Variants in SOX5 observed in about 807,000 individuals in gnomAD.
SOX5 encodes the protein transcription factor SOX-5.
A neutral mutation model predicts 92.0 loss-of-function variants in SOX5; 9 were observed. That is an observed-to-expected ratio of 0.10 (90% confidence interval 0.06 to 0.17). SOX5 has a LOEUF of 0.17. SOX5 is among the 10% of genes least tolerant of loss of function. The pLI, the probability that SOX5 is intolerant of heterozygous loss-of-function variation, is 1.00. For missense variants in SOX5, 642 were observed against 944.5 expected (o/e 0.68, Z 4.20); for synonymous variants, 344 against 336.3 (o/e 1.02, Z -0.25).
chr12:23,727,044 A>G (rs1162294408), intron 6 of SOX5, among the ~76,000 whole-genome samples: 1 of 152,194 alleles, frequency 6.6e-6, no homozygotes, highest in African/African-American at 2.4e-5. Context: ...GGAAAACAGG[A>G]AAATAAAAAT....
chr12:24,128,535 G>A (rs1303717393), intron 4 of SOX5, among the ~76,000 whole-genome samples: 1 of 152,216 alleles, frequency 6.6e-6, no homozygotes, highest in Non-Finnish European at 1.5e-5. Flanking sequence ...TATTTTGGCT[G>A]AGACCTAAAG....
In SOX5 at chr12:24,393,625, T is replaced by A. The variant is rs907271452; in HGVS notation, c.-250-24986A>T. 8.5e-5 allele frequency among the ~76,000 whole-genome samples: 13 copies of A among 152,362 alleles called. No individual in the cohort carries two copies. Among genetic ancestry groups the A allele is most frequent in the Admixed American group, 3.3e-4 (5 of 15,308 alleles). ...AAATTATGAAATAGATAATCTTTTA[T>A]ACGGATTACGCTTTAAGACATGGCC... On this transcript the variant is annotated intron_variant, in intron 1 of 4. Coordinates refer to the SOX5 transcript ENST00000446891. This position sits in a 1 kb window ranked among gnomAD's most constrained non-coding sequence, Gnocchi z 5.0.
chr12:24,496,666 C>G (rs536159715), intron 1 of SOX5, among the ~76,000 whole-genome samples: 1 of 152,256 alleles, frequency 6.6e-6, no homozygotes, highest in Admixed American at 6.5e-5. Flanking sequence ...AAACAATAAA[C>G]CACACCCTCA....
At chr12:24,176,497 A>T (rs1207011630) in intron 4 of SOX5, among the ~76,000 whole-genome samples, 2 of 152,200 alleles carry the variant, frequency 1.3e-5, no homozygotes, top group Non-Finnish European at 2.9e-5. Context: ...CTTAAACTAA[A>T]TCATTGGCCA....
At chr12:24,346,542 C>T (rs1953279744) in intron 2 of SOX5, among the ~76,000 whole-genome samples, 1 of 151,256 alleles carries the variant, frequency 6.6e-6, no homozygotes, top group Non-Finnish European at 1.5e-5. Context: ...ACCTCCGCCT[C>T]CCAGATTCAA....
At chr12:23,688,650 C>T (rs1268367872) in intron 6 of SOX5, among the ~76,000 whole-genome samples, 2 of 152,042 alleles carry the variant, frequency 1.3e-5, no homozygotes, top group African/African-American at 2.4e-5. Flanking sequence ...AGATCCTTTG[C>T]TAAGGACACA....
chr12:23,770,921 T>C (rs981960829), intron 3 of SOX5, among the ~76,000 whole-genome samples: 1 of 149,204 alleles, frequency 6.7e-6, no homozygotes, highest in Admixed American at 6.7e-5. Context: ...GCTAAATACA[T>C]AACAGGTTTA....
intron 4 of SOX5, among the ~76,000 whole-genome samples, chr12:24,173,858 C>T (rs886271961): frequency 1.3e-5 from 2 of 152,038 alleles, no homozygotes; most frequent in Non-Finnish European, 2.9e-5. Context: ...TACTACCAGC[C>T]GTGGAAAATG....
chr12:23,845,876 C>CCAATAAATTCCAT, intron 3 of SOX5, 107 bp downstream of exon 3: 1 of 907,474 alleles, frequency 1.1e-6, no homozygotes, highest in Non-Finnish European at 1.8e-6. Flanking sequence ...TTCCATCTTG[C>CCAATAAATTCCAT]CCAATTTAAC....
In SOX5 at chr12:23,937,538, A is replaced by T. The variant is rs1250270520; in HGVS notation, c.38+12026T>A. On this transcript the variant is annotated intron_variant, in intron 1 of 14. Coordinates refer to ENST00000451604, the MANE Select transcript of SOX5 (RefSeq NM_006940.6). ...GACCATTAACTTCCATGCTAATTTG[A>T]CATGCACCATAGTATTCAGGCAACA... Among the ~76,000 whole-genome samples the T allele has an allele frequency of 2.0e-5, 3 of 151,112 alleles. No homozygotes were observed. The East Asian group carries it at 5.8e-4, about 29-fold the overall frequency.
At chr12:23,673,117 T>C (rs1483931664) in intron 6 of SOX5, among the ~76,000 whole-genome samples, 2 of 152,116 alleles carry the variant, frequency 1.3e-5, no homozygotes, top group African/African-American at 2.4e-5. Flanking sequence ...AAGAAAATGG[T>C]GAAAAGATAT....
chr12:23,863,073 T>G (rs2096773340), intron 2 of SOX5, among the ~76,000 whole-genome samples: 1 of 152,164 alleles, frequency 6.6e-6, no homozygotes, highest in African/African-American at 2.4e-5. Flanking sequence ...TGATGAAGCT[T>G]TCAACACTTT....
chr12:23,633,755 C>T (rs2078857991), intron 8 of SOX5, among the ~76,000 whole-genome samples: 1 of 151,942 alleles, frequency 6.6e-6, no homozygotes, highest in African/African-American at 2.4e-5. Context: ...GCAGAATAAG[C>T]CATGAGTCAA....
At chr12:24,128,759 G>C (rs1029265816) in intron 4 of SOX5, among the ~76,000 whole-genome samples, 1 of 152,114 alleles carries the variant, frequency 6.6e-6, no homozygotes, top group Non-Finnish European at 1.5e-5. Flanking sequence ...CTATTGGAGG[G>C]CTTTAAACAG....
intron 4 of SOX5, among the ~76,000 whole-genome samples, chr12:24,001,928 T>C (rs1331611335): frequency 6.6e-6 from 1 of 152,072 alleles, no homozygotes; most frequent in Non-Finnish European, 1.5e-5. Context: ...CACATCATTG[T>C]ACCCTAGCCT....
intron 3 of SOX5, among the ~76,000 whole-genome samples, chr12:24,226,732 A>C (rs770336506): frequency 1.6e-4 from 24 of 152,140 alleles, no homozygotes; most frequent in Admixed American, 6.5e-5. Flanking sequence ...TGGCCTCTCA[A>C]AGGGCTAGGA....
intron 3 of SOX5, among the ~76,000 whole-genome samples, chr12:24,267,895 T>C (rs1943222677): frequency 6.6e-6 from 1 of 152,172 alleles, no homozygotes; most frequent in Admixed American, 6.5e-5. Flanking sequence ...AATTGTCCCA[T>C]AACTTTTGAG....
At chr12:24,345,147 G>C (rs1047612786) in intron 2 of SOX5, among the ~76,000 whole-genome samples, 1 of 152,096 alleles carries the variant, frequency 6.6e-6, no homozygotes, top group African/African-American at 2.4e-5. Flanking sequence ...GGTGAAACAG[G>C]CCATAACTTT....
intron 3 of SOX5, among the ~76,000 whole-genome samples, chr12:24,269,166 G>A (rs1943381953): frequency 6.6e-6 from 1 of 152,118 alleles, no homozygotes; most frequent in Non-Finnish European, 1.5e-5. Context: ...ATAGATTAGG[G>A]TGACTGAGGG....
Sources: allele counts gnomAD v4.1 joint callset (sites outside exome capture counted in the v4.1 genomes callset), GRCh38; gene constraint gnomAD v4.1.1; non-coding constraint Gnocchi (gnomAD v3.1); transcripts MANE v1.5; gene names NCBI Gene and HGNC (gene_info 2026-07-23, HGNC 2026-07-21).